Variants in HSD17B3 observed in about 807,000 individuals in gnomAD.
HSD17B3 encodes the protein 17-beta-hydroxysteroid dehydrogenase type 3.
In HSD17B3, 29 loss-of-function variants were observed where a neutral mutation model predicts 41.1. That is an observed-to-expected ratio of 0.71 (90% CI 0.53 to 0.96). The LOEUF (loss-of-function observed/expected upper bound fraction) is 0.96. Among genes scored for constraint, HSD17B3 ranks in the 40% least tolerant of loss-of-function variants. The pLI, the probability that HSD17B3 is intolerant of heterozygous loss-of-function variation, is 0.00. For synonymous variants in HSD17B3, 126 were observed against 145.6 expected, an observed-to-expected ratio of 0.87 and a Z score of 0.97; for missense variants, 323 against 374.6, an observed-to-expected ratio of 0.86 and a Z score of 1.14.
At chr9:96,293,589 ACT>A (rs952954986) in intron 2 of HSD17B3, among the ~76,000 whole-genome samples, 3 of 111,784 alleles carry the variant, frequency 2.7e-5, no homozygotes, top group African/African-American at 1.1e-4. Context: ...CTTCCTCCCC[ACT>A]CTCTTTCTCT....
In HSD17B3 at chr9:96,246,764, G is replaced by T. The variant is rs1206601379; in HGVS notation, c.490-174C>A. On this transcript the variant is annotated intron_variant, in intron 6 of 10. Coordinates refer to ENST00000375263, the MANE Select transcript of HSD17B3 (RefSeq NM_000197.2). ...GGTCACTCTGGCCACATTAGAGTCT[G>T]CCTGGAACCCACAGGAGCCAACCTA... 3.9e-5 allele frequency among the ~76,000 whole-genome samples: 6 copies of T among 152,294 alleles called. No individual in the cohort carries two copies. The East Asian group carries it at 1.2e-3, about 29-fold the overall frequency.
At chr9:96,245,473 G>A (rs1836625324) in intron 7 of HSD17B3, 47 bp from the exon 8 acceptor site, 1 of 1,408,664 alleles carries the variant, frequency 7.1e-7, no homozygotes, top group African/African-American at 1.4e-5. Context: ...TGCCCTACCT[G>A]ACCTTGAGTA....
chr9:96,250,525 A>G (rs2130725520), intron 5 of HSD17B3: 1 of 1,010,498 alleles, frequency 9.9e-7, no homozygotes, highest in African/African-American at 1.7e-5. Context: ...GCCTGTTCAG[A>G]TTGGTGTAGC....
intron 9 of HSD17B3, among the ~76,000 whole-genome samples, chr9:96,242,951 C>T (rs2130709464): frequency 6.6e-6 from 1 of 152,226 alleles, no homozygotes; most frequent in Middle Eastern, 3.4e-3. Context: ...CAGAGTTGGC[C>T]AGTGATTTAT....
At position 96,244,343 on chromosome 9, in the gene HSD17B3, C is replaced by A; in HGVS notation, c.658G>T (p.Glu220Ter). 1 of 1,614,230 alleles carries A rather than the reference C, an allele frequency of 6.2e-7. No homozygotes were observed. Among genetic ancestry groups the A allele is most frequent in the Non-Finnish European group, 8.5e-7 (1 of 1,180,032 alleles). The change falls in exon 9 of 11, where the codon GAA becomes TAA. Residue 220 changes from glutamate (E) to a stop codon, truncating the protein, a stop_gained. Coordinates refer to ENST00000375263, the MANE Select transcript of HSD17B3 (RefSeq NM_000197.2). LOFTEE classifies it high-confidence loss of function. ...GCCCACCTCACCTGGATGATGACTT[C>A]TTTTGCTTTATATTCCTCTTGCAGG... The part of the protein sequence containing the change: ...KALQEEYKAK[E>*]VIIQVLTPYA...
intron 2 of HSD17B3, among the ~76,000 whole-genome samples, chr9:96,269,059 C>T (rs1826141272): frequency 6.7e-6 from 1 of 149,148 alleles, no homozygotes; most frequent in South Asian, 2.2e-4. Context: ...GTGCCAACAT[C>T]ATAGAGTGCA....
intron 7 of HSD17B3, among the ~76,000 whole-genome samples, chr9:96,246,229 G>T (rs944057965): frequency 3.3e-5 from 5 of 152,186 alleles, no homozygotes; most frequent in African/African-American, 9.7e-5. Flanking sequence ...CAAAGAGATG[G>T]TCTTGATCTC....
At chr9:96,286,632 G>A (rs1826929585) in intron 2 of HSD17B3, among the ~76,000 whole-genome samples, 1 of 151,882 alleles carries the variant, frequency 6.6e-6, no homozygotes. Flanking sequence ...AGAGGCTGCA[G>A]TGAGCCAAGA....
chr9:96,289,156 G>A (rs73547761), intron 2 of HSD17B3, among the ~76,000 whole-genome samples: 4,381 of 150,850 alleles, frequency 0.029, 215 homozygotes, highest in African/African-American at 0.1. Flanking sequence ...GTCACTAGAT[G>A]CTGCATCAAT....
intron 2 of HSD17B3, among the ~76,000 whole-genome samples, chr9:96,269,102 A>C (rs1826144431): frequency 6.6e-6 from 1 of 152,246 alleles, no homozygotes; most frequent in African/African-American, 2.4e-5. Context: ...AGCCTGCTAC[A>C]TAACTAGACT....
At chr9:96,276,315 A>C (rs937942091) in intron 2 of HSD17B3, among the ~76,000 whole-genome samples, 4 of 152,154 alleles carry the variant, frequency 2.6e-5, no homozygotes, top group Admixed American at 2.6e-4. Flanking sequence ...AATACTGTTT[A>C]AATGTGCATA....
At chr9:96,266,398 G>A (rs1360897686) in intron 2 of HSD17B3, among the ~76,000 whole-genome samples, 1 of 152,038 alleles carries the variant, frequency 6.6e-6, no homozygotes. Context: ...TCAGCCTCCT[G>A]AGTAGCTGAA....
intron 2 of HSD17B3, among the ~76,000 whole-genome samples, chr9:96,273,203 T>C (rs1177697352): frequency 6.6e-6 from 1 of 152,188 alleles, no homozygotes; most frequent in Non-Finnish European, 1.5e-5. Flanking sequence ...TAGGAGAAAT[T>C]GGGTAAAGAA....
chr9:96,239,752 G>C (rs1184835383), intron 10 of HSD17B3: 3 of 152,188 alleles, frequency 2.0e-5, no homozygotes, highest in Non-Finnish European at 2.9e-5. Context: ...AACTTTCTTT[G>C]GTGGGACTGG....
rs747479797 is a variant in HSD17B3 at position 96,290,456 on chromosome 9, C to CCTTTTTTTTTTTTTTTTTTTT, written c.201+7959_201+7960insAAAAAAAAAAAAAAAAAAAAG. Among the ~76,000 whole-genome samples, 2 of 78,418 alleles carry CCTTTTTTTTTTTTTTTTTTTT rather than the reference C, an allele frequency of 2.6e-5. 1 individual carries two copies. Among genetic ancestry groups the CCTTTTTTTTTTTTTTTTTTTT allele is most frequent in the Non-Finnish European group, 4.3e-5 (2 of 46,054 alleles). The allele number at this position is 78,418 out of a possible 152,430, so 51.4% of individuals were successfully genotyped here. ...GAAGGGCACTGTGGTATTTCCTGGG[C>CCTTTTTTTTTTTTTTTTTTTT]TTTTTTTTTTTTTTTTTTTTTTTCC... On this transcript the variant is annotated intron_variant, in intron 2 of 10. Transcript: ENST00000375263.
At chr9:96,236,347 T>C (rs1474812234) in intron 10 of HSD17B3, among the ~76,000 whole-genome samples, 1 of 151,266 alleles carries the variant, frequency 6.6e-6, no homozygotes, top group African/African-American at 2.4e-5. Context: ...TGAAACCCCG[T>C]CTCTACTAAA....
chr9:96,259,846 C>T lies in HSD17B3; in HGVS notation c.202-4903G>A, dbSNP rs146533127. Among the ~76,000 whole-genome samples, 1,088 of 152,268 alleles carry T rather than the reference C, an allele frequency of 7.1e-3. 19 individuals carry two copies. Among genetic ancestry groups the T allele is most frequent in the African/African-American group, 0.025 (1,025 of 41,558 alleles). The stretch of plus-strand genomic sequence containing the variant: ...ATGAGAGCTCTTTACGCAGCCACCT[C>T]GCAGAATTTTTTATTTGTTCTGATA... On this transcript the variant is annotated intron_variant, in intron 2 of 10. Transcript: ENST00000375263.
At chr9:96,273,049 G>C (rs1826324151) in intron 2 of HSD17B3, among the ~76,000 whole-genome samples, 1 of 152,320 alleles carries the variant, frequency 6.6e-6, no homozygotes, top group South Asian at 2.1e-4. Flanking sequence ...GTGGTTCCCA[G>C]AAGGGACTGG....
chr9:96,240,332 C>CTGGAAGTATTTATACCG (rs1836387851), intron 10 of HSD17B3, among the ~76,000 whole-genome samples: 1 of 152,216 alleles, frequency 6.6e-6, no homozygotes, highest in Non-Finnish European at 1.5e-5. Flanking sequence ...CTCAGCCATG[C>CTGGAAGTATTTATACCG]TGGAAGTATT....
Sources: gnomAD v4.1 joint callset for allele counts (sites outside exome capture counted in the v4.1 genomes callset) on GRCh38, gnomAD v4.1.1 for gene constraint, MANE v1.5 for transcripts, NCBI Gene and HGNC (gene_info 2026-07-23, HGNC 2026-07-21) for gene names.